SYN1: variants seen among roughly 807,000 people sequenced by gnomAD.
SYN1 encodes synapsin-1.
Under a neutral mutation model 44.6 loss-of-function variants are expected in SYN1, and 8 were observed. The ratio of observed to expected loss-of-function variants is 0.18; its 90% CI spans 0.11 to 0.32. SYN1 has a LOEUF of 0.32. Among genes scored for constraint, SYN1 ranks in the 10% least tolerant of loss-of-function variants. The probability of loss-of-function intolerance (pLI) is 1.00; values close to 1 mark genes in which losing one functional copy is unlikely to be tolerated. For missense variants in SYN1, 451 were observed against 639.4 expected (o/e 0.71, Z 3.18); for synonymous variants, 275 against 280.1 (o/e 0.98, Z 0.18).
intron 1 of SYN1, among the ~76,000 whole-genome samples, chrX:47,611,419 C>T (rs1488027215): frequency 8.9e-6 from 1 of 111,820 alleles, no homozygotes; most frequent in Admixed American, 9.5e-5. Context: ...TTATACCTGC[C>T]ATACTGGACA....
At position 47,619,782 on chromosome X, in the gene SYN1, G is replaced by A. The variant is rs2057942746; in HGVS notation, c.-54C>T. On this transcript the variant is annotated 5_prime_UTR_variant, in exon 1 of 13. Coordinates refer to ENST00000295987, the MANE Select transcript of SYN1 (RefSeq NM_006950.3). Reference sequence around the variant, plus strand: ...GGGTGGTCTGGCCAGGAGCCGCGGGGGCGGACTGCGCGGTGCCCAGGAGCA... The same window carrying A: ...GGGTGGTCTGGCCAGGAGCCGCGGGAGCGGACTGCGCGGTGCCCAGGAGCA... 5.3e-6 allele frequency: 6 copies of A among 1,125,414 alleles called. No homozygotes were observed. The highest frequency in any genetic ancestry group is 4.7e-6 in the Non-Finnish European group (4 of 844,713). 92.7% of individuals were successfully genotyped at this position (1,125,414 alleles called of 1,213,427 possible).
chrX:47,613,387 A>C (rs973752358), intron 1 of SYN1, among the ~76,000 whole-genome samples: 1 of 111,266 alleles, frequency 9.0e-6, no homozygotes, highest in Admixed American at 9.6e-5. Context: ...CTGAATGTCC[A>C]ATCTGCCAGC....
intron 5 of SYN1, among the ~76,000 whole-genome samples, chrX:47,596,768 C>T (rs1396058839): frequency 9.0e-6 from 1 of 111,433 alleles, no homozygotes; most frequent in East Asian, 2.8e-4. Context: ...CCCAGAGTTG[C>T]CACATTATAT....
chrX:47,597,204 G>A (rs770519065), intron 5 of SYN1, among the ~76,000 whole-genome samples: 2 of 109,879 alleles, frequency 1.8e-5, no homozygotes, highest in African/African-American at 6.6e-5. Flanking sequence ...GCATGGTGGC[G>A]TGTGCCTGTA....
At chrX:47,593,127 T>C (rs1471300246) in intron 5 of SYN1, among the ~76,000 whole-genome samples, 1 of 111,367 alleles carries the variant, frequency 9.0e-6, no homozygotes, top group Non-Finnish European at 1.9e-5. Context: ...ACTCCTGGGC[T>C]CAAGTGATCC....
intron 5 of SYN1, among the ~76,000 whole-genome samples, chrX:47,589,495 G>A (rs1255340716): frequency 1.9e-5 from 2 of 104,834 alleles, no homozygotes; most frequent in African/African-American, 3.5e-5. Flanking sequence ...CCAGCTACTC[G>A]AGAGGCAGGA....
chrX:47,619,471 C>T lies in SYN1; in HGVS notation c.258G>A (p.Gln86=). Residue 86 remains glutamine, a synonymous_variant, in exon 1 of 13, where the codon CAG becomes CAA. Coordinates refer to ENST00000295987, the MANE Select transcript of SYN1 (RefSeq NM_006950.3). The part of the protein sequence containing the change: ...FFSSLSNAVK[Q]TTAAAAATFS... ...AGGTGGCAGCTGCCGCCGCCGTGGTCTGCTTGACCGCGTTGGACAGCGACG... is the reference window on the plus strand; with the variant it reads ...AGGTGGCAGCTGCCGCCGCCGTGGTTTGCTTGACCGCGTTGGACAGCGACG... 1 of 1,198,045 alleles carries T rather than the reference C, an allele frequency of 8.3e-7. No individual in the cohort carries two copies. Among genetic ancestry groups the T allele is most frequent in the South Asian group, 1.8e-5 (1 of 56,404 alleles).
At chrX:47,587,517 A>T (rs1283577426) in intron 5 of SYN1, 3 of 112,854 alleles carry the variant, frequency 2.7e-5, no homozygotes, top group Non-Finnish European at 5.6e-5. Context: ...CACTCCTCTG[A>T]CCAACTTGGA....
At chrX:47,590,416 G>A (rs749227007) in intron 5 of SYN1, among the ~76,000 whole-genome samples, 9 of 111,489 alleles carry the variant, frequency 8.1e-5, no homozygotes, top group East Asian at 5.6e-4. Context: ...TTCTCCCCAC[G>A]AAGAACCCCC....
At chrX:47,578,972 G>A (rs544775085) in intron 5 of SYN1, among the ~76,000 whole-genome samples, 61 of 111,967 alleles carry the variant, frequency 5.4e-4, no homozygotes, top group African/African-American at 1.9e-3. Flanking sequence ...TCTGGGCAGC[G>A]GGCCAGGGAA....
In SYN1 at chrX:47,607,152, T is replaced by C. The variant is rs1177917976; in HGVS notation, c.424A>G (p.Lys142Glu). 2 of 1,211,505 alleles carry C rather than the reference T, an allele frequency of 1.7e-6. No homozygotes were observed. The highest frequency in any genetic ancestry group is 2.2e-5 in the Admixed American group (1 of 46,023). ...GKKIHGEIDIKVEQAEFSDLN... is the reference protein window; with the variant it reads ...GKKIHGEIDIEVEQAEFSDLN... ...ATGTCCCAACTTACCTGTTCTACTTTAATGTCAATTTCTCCATGGATCTTT... is the reference window on the plus strand; with the variant it reads ...ATGTCCCAACTTACCTGTTCTACTTCAATGTCAATTTCTCCATGGATCTTT... Residue 142 changes from lysine to glutamate, a missense_variant, in exon 2 of 13, where the codon AAA (lysine) becomes GAA (glutamate). By Grantham distance (56) the Lys-to-Glu change is moderately conservative. This residue lies in a region of SYN1 where 315 missense variants were observed against 451.4 expected (regional missense o/e 0.70). Transcript: ENST00000295987.
rs767202919 is a variant in SYN1 at position 47,576,308 on chromosome X, ACAC to A, written c.1055+21_1055+23del. ...CGTGCTCCCACCCCCGCTTCCCCTC[ACAC>A]CCTGAGTTCGGGCTGCCCACCTGTC... On this transcript the variant is annotated intron_variant, in intron 8 of 12. Transcript: ENST00000295987. The A allele has an allele frequency of 7.4e-6, 9 of 1,210,067 alleles. No individual in the cohort carries two copies. The highest frequency in any genetic ancestry group is 2.3e-4 in the Middle Eastern group (1 of 4,348).
At chrX:47,607,634 T>C (rs183684411) in intron 1 of SYN1, among the ~76,000 whole-genome samples, 40 of 105,460 alleles carry the variant, frequency 3.8e-4, no homozygotes, top group African/African-American at 1.4e-3. Context: ...TCTCAGCACT[T>C]TGGGAGGCTG....
intron 5 of SYN1, among the ~76,000 whole-genome samples, chrX:47,584,207 G>A (rs59954747): frequency 3.6e-3 from 391 of 108,658 alleles, no homozygotes; most frequent in African/African-American, 0.012. Flanking sequence ...GGATGATCAG[G>A]TATTGAGGAT....
intron 1 of SYN1, among the ~76,000 whole-genome samples, chrX:47,614,606 G>A (rs935416906): frequency 2.7e-5 from 3 of 111,890 alleles, no homozygotes; most frequent in Admixed American, 9.5e-5. Flanking sequence ...AGAAGGAAGT[G>A]GATCGGAGCA....
chrX:47,585,340 C>T (rs1385530455), intron 5 of SYN1: 1 of 1,209,875 alleles, frequency 8.3e-7, no homozygotes, highest in African/African-American at 1.7e-5. Context: ...TGGTGAGGCA[C>T]CGTCCCCGCG....
chrX:47,589,438 C>CA (rs200553434), intron 5 of SYN1, among the ~76,000 whole-genome samples: 2,471 of 96,595 alleles, frequency 0.026, 63 homozygotes, highest in Admixed American at 0.087. Context: ...CTAAAAATAC[C>CA]AAAAAAAAAA....
intron 1 of SYN1, among the ~76,000 whole-genome samples, chrX:47,613,455 C>A (rs746364714): frequency 1.8e-5 from 2 of 111,889 alleles, no homozygotes; most frequent in Non-Finnish European, 3.8e-5. Flanking sequence ...GGCCAACCAA[C>A]CACTTTGTGG....
chrX:47,617,557 G>A (rs1368121266), intron 1 of SYN1, among the ~76,000 whole-genome samples: 1 of 110,910 alleles, frequency 9.0e-6, no homozygotes, highest in Non-Finnish European at 1.9e-5. Flanking sequence ...GTACTGAAGG[G>A]AGTGGGAAAG....
Sources: gnomAD v4.1 joint callset for allele counts (sites outside exome capture counted in the v4.1 genomes callset) on GRCh38, gnomAD v4.1.1 for gene constraint, gnomAD v4.1.1 regional missense constraint, MANE v1.5 for transcripts, NCBI Gene and HGNC (gene_info 2026-07-23, HGNC 2026-07-21) for gene names.